Variants in DZIP1L observed in about 807,000 individuals in gnomAD.
DZIP1L encodes the protein cilium assembly protein DZIP1L.
A neutral mutation model predicts 88.7 loss-of-function variants in DZIP1L; 90 were observed. That is an observed-to-expected ratio of 1.02 (90% CI 0.86 to 1.21). The LOEUF is 1.21. DZIP1L is among the 50% of genes most tolerant of loss of function. The pLI is 0.00. For missense variants in DZIP1L, 932 were observed against 955.8 expected (o/e 0.98, Z 0.33); for synonymous variants, 363 against 372.1 (o/e 0.98, Z 0.28).
intron 2 of DZIP1L, among the ~76,000 whole-genome samples, chr3:138,099,142 G>T (rs1029331735): frequency 6.6e-6 from 1 of 152,174 alleles, no homozygotes; most frequent in African/African-American, 2.4e-5. Context: ...AAATAAAAAA[G>T]AATGTATATT....
intron 1 of DZIP1L, among the ~76,000 whole-genome samples, chr3:138,106,581 C>T (rs1242373321): frequency 1.3e-5 from 2 of 151,840 alleles, no homozygotes; most frequent in African/African-American, 2.4e-5. Context: ...CGCCTGTAAT[C>T]CCAGCACTCT....
chr3:138,103,568 T>G lies in DZIP1L; in HGVS notation c.404A>C (p.Glu135Ala). ...GQQELGRQAD[E>A]LKGVREESRR... ...GCTCTCCTCCCGCACACCCTTGAGC[T>G]CGTCAGCCTGGCGTCCCAGCTCCTG... is the stretch of plus-strand genomic sequence containing the variant. Residue 135 changes from glutamate (E) to alanine (A), a missense_variant, in exon 2 of 16, where the codon GAG (glutamate) becomes GCG (alanine). By Grantham distance (107) the Glu-to-Ala change is moderately radical. Coordinates refer to ENST00000327532, the MANE Select transcript of DZIP1L (RefSeq NM_173543.3). 1 of 1,608,686 alleles carries G rather than the reference T, an allele frequency of 6.2e-7. No individual in the cohort carries two copies. The highest frequency in any genetic ancestry group is 8.5e-7 in the Non-Finnish European group (1 of 1,179,658).
At position 138,086,208 on chromosome 3, in the gene DZIP1L, G is replaced by A. The variant is rs562795921; in HGVS notation, c.1062+753C>T. 4.4e-4 allele frequency among the ~76,000 whole-genome samples: 67 copies of A among 150,654 alleles called. 1 individual carries two copies. Among genetic ancestry groups the A allele is most frequent in the African/African-American group, 1.5e-3 (63 of 40,944 alleles). ...ACCAGCATGGCACATGTATACATAT[G>A]TAACTAACCTGCACATTGTGCACAT... On this transcript the variant is annotated intron_variant, in intron 7 of 15. Transcript: ENST00000327532.
chr3:138,101,454 G>A (rs1169902294), intron 2 of DZIP1L: 4 of 739,056 alleles, frequency 5.4e-6, no homozygotes, highest in Non-Finnish European at 9.7e-6. Context: ...GGAGGGGCAG[G>A]CTGGGAGGGG....
At position 138,108,196 on chromosome 3, in the gene DZIP1L, C is replaced by T. The variant is rs1350561017; in HGVS notation, c.-81-4144G>A. The stretch of plus-strand genomic sequence containing the variant: ...GATGGGTGACATGATACTCACCATG[C>T]TTAGCTCCAAAGCTGCAACTGTGCC... On this transcript the variant is annotated intron_variant, in intron 1 of 15. Transcript: ENST00000327532. 3 of 985,194 alleles carry T rather than the reference C, an allele frequency of 3.0e-6. No homozygotes were observed. In the African/African-American group the frequency reaches 5.2e-5, roughly 17 times the overall value. 61.0% of individuals were successfully genotyped at this position (985,194 alleles called of 1,614,324 possible). A position where few individuals can be genotyped will look rare whatever the true frequency, so the allele number is the denominator to read the frequency against.
rs908752786 is a variant in DZIP1L at position 138,067,299 on chromosome 3, G to A, written c.2002+232C>T. Among the ~76,000 whole-genome samples, 8 of 152,268 alleles carry A rather than the reference G, an allele frequency of 5.3e-5. No individual in the cohort carries two copies. The East Asian group carries it at 1.5e-3, about 29-fold the overall frequency. ...GTTAACAATTTAATGACAAAACAAG[G>A]GGTAAAACTAAACCTTGCTCAAACT... On this transcript the variant is annotated intron_variant, in intron 14 of 15. Transcript: ENST00000327532.
At chr3:138,079,313 C>T (rs2724697) in intron 10 of DZIP1L, among the ~76,000 whole-genome samples, 95,588 of 152,016 alleles carry the variant, frequency 0.63, 30,873 homozygotes, top group Non-Finnish European at 0.7. Flanking sequence ...AAAAGTGATA[C>T]GCAATTCTAA....
At chr3:138,091,962 C>T (rs1248314726) in intron 5 of DZIP1L, among the ~76,000 whole-genome samples, 3 of 152,178 alleles carry the variant, frequency 2.0e-5, no homozygotes, top group Admixed American at 2.0e-4. Context: ...GAGAAAAATG[C>T]ATTCAATTAA....
At position 138,092,544 on chromosome 3, in the gene DZIP1L, C is replaced by A; in HGVS notation, c.709G>T (p.Glu237Ter). The A allele has an allele frequency of 1.3e-6, 2 of 1,561,648 alleles. No individual in the cohort carries two copies. Among genetic ancestry groups the A allele is most frequent in the South Asian group, 1.3e-5 (1 of 79,726 alleles). Reference protein sequence around the residue: ...REAERQRQLQEAELIHQREIE... With the variant: ...REAERQRQLQ ...TCCCTCTGATGAATGAGCTCTGCTT[C>A]CTAAAAAGAAGAGCAAGAACAATAT... The change falls in exon 5 of 16, where the codon GAA becomes TAA. Residue 237 changes from glutamate to a stop codon, truncating the protein, a stop_gained and splice_region_variant. Coordinates refer to ENST00000327532, the MANE Select transcript of DZIP1L (RefSeq NM_173543.3). LOFTEE classifies it high-confidence loss of function.
At chr3:138,104,931 C>T (rs1355178793) in intron 1 of DZIP1L, among the ~76,000 whole-genome samples, 1 of 152,130 alleles carries the variant, frequency 6.6e-6, no homozygotes, top group Non-Finnish European at 1.5e-5. Flanking sequence ...GCTACAAACT[C>T]ATATGTACAA....
chr3:138,077,594 C>T lies in DZIP1L; in HGVS notation c.1327G>A (p.Ala443Thr). The part of the protein sequence containing the change: ...DSQDEQHKVL[A>T]ALRRNPTLLK... ...AAAGTGGGGTTACGCCTCAGAGCTG[C>T]CAGCACCTTGTGCTGTTCATCCTGG... Residue 443 changes from alanine (A) to threonine (T), a missense_variant, in exon 11 of 16, where the codon GCA (alanine) becomes ACA (threonine). Coordinates refer to ENST00000327532, the MANE Select transcript of DZIP1L (RefSeq NM_173543.3). 6.2e-7 allele frequency: 1 copy of T among 1,614,204 alleles called. No individual in the cohort carries two copies. The highest frequency in any genetic ancestry group is 1.1e-5 in the South Asian group (1 of 91,084).
chr3:138,086,039 T>C (rs1003046603), intron 7 of DZIP1L, among the ~76,000 whole-genome samples: 1 of 151,218 alleles, frequency 6.6e-6, no homozygotes, highest in African/African-American at 2.4e-5. Context: ...TTCTCACTCA[T>C]AGTTGGGAAT....
rs1290504666 is a variant in DZIP1L at position 138,085,653 on chromosome 3, C to T, written c.1062+1308G>A. Among the ~76,000 whole-genome samples, 73 of 152,256 alleles carry T rather than the reference C, an allele frequency of 4.8e-4. No homozygotes were observed. In the South Asian group the frequency reaches 1.0e-2, roughly 21 times the overall value. ...GAGAAATAGGAACACTTTTACACTG[C>T]TGGTGGGAATGTAAACTAGTTCAAC... On this transcript the variant is annotated intron_variant, in intron 7 of 15. Coordinates refer to ENST00000327532, the MANE Select transcript of DZIP1L (RefSeq NM_173543.3).
chr3:138,075,500 A>T (rs968725480), intron 11 of DZIP1L, among the ~76,000 whole-genome samples: 5 of 152,240 alleles, frequency 3.3e-5, no homozygotes, highest in African/African-American at 1.2e-4. Flanking sequence ...ACTCCAAAAG[A>T]AACCCTCAAA....
At chr3:138,096,538 T>C (rs1040117737) in intron 3 of DZIP1L, among the ~76,000 whole-genome samples, 3 of 152,250 alleles carry the variant, frequency 2.0e-5, no homozygotes, top group Non-Finnish European at 2.9e-5. Context: ...TGATTATATA[T>C]GTCTACGGAA....
intron 1 of DZIP1L, chr3:138,108,084 C>T (rs1042928176): frequency 7.6e-6 from 3 of 394,804 alleles, no homozygotes; most frequent in African/African-American, 4.4e-5. Flanking sequence ...CCCAGGTTCA[C>T]GTCATTCTCC....
At position 138,097,966 on chromosome 3, in the gene DZIP1L, A is replaced by G. The variant is rs999125402; in HGVS notation, c.502-119T>C. The G allele has an allele frequency of 3.9e-5, 32 of 811,220 alleles. No homozygotes were observed. The African/African-American group carries it at 4.3e-4, about 11-fold the overall frequency. 50.3% of individuals were successfully genotyped at this position (811,220 alleles called of 1,614,324 possible). A position where few individuals can be genotyped will look rare whatever the true frequency, so the allele number is the denominator to read the frequency against. On this transcript the variant is annotated intron_variant, in intron 2 of 15. Transcript: ENST00000327532. ...CCCTGGGCTGCTTCAGAAATAAAGA[A>G]TTTAATTTACTGAGCAAGGCAATGA...
At chr3:138,108,226 G>A (rs190615325) in intron 1 of DZIP1L, 33 of 985,326 alleles carry the variant, frequency 3.3e-5, no homozygotes, top group Non-Finnish European at 3.7e-5. Flanking sequence ...TGTGCCACCA[G>A]AGCCTCAGAG....
At chr3:138,113,239 C>T (rs1427967302) in intron 1 of DZIP1L, 1 of 152,202 alleles carries the variant, frequency 6.6e-6, no homozygotes, top group African/African-American at 2.4e-5. Flanking sequence ...ACAGCCATCC[C>T]ACTGTGAAAC....
Sources: gnomAD v4.1 joint callset for allele counts (sites outside exome capture counted in the v4.1 genomes callset) on GRCh38, gnomAD v4.1.1 for gene constraint, MANE v1.5 for transcripts, NCBI Gene and HGNC (gene_info 2026-07-23, HGNC 2026-07-21) for gene names.